The following TOX2 variants were observed in gnomAD, a reference collection of about 807,000 sequenced individuals.
TOX2 encodes granulosa cell HMG box 1.
Under a neutral mutation model 47.4 loss-of-function variants are expected in TOX2, and 15 were observed. The ratio of observed to expected loss-of-function variants is 0.32; its 90% confidence interval spans 0.21 to 0.49. The LOEUF (loss-of-function observed/expected upper bound fraction) is 0.49. Ranked by LOEUF, TOX2 falls within the 20% of genes least tolerant of loss-of-function variation. The pLI, the probability that TOX2 is intolerant of heterozygous loss-of-function variation, is 0.99. For missense variants in TOX2, 622 were observed against 673.1 expected (o/e 0.92, Z 0.84); for synonymous variants, 290 against 296.6 (o/e 0.98, Z 0.23).
intron 1 of TOX2, among the ~76,000 whole-genome samples, chr20:43,933,839 A>T (rs1468226824): frequency 2.0e-5 from 3 of 152,118 alleles, no homozygotes; most frequent in Non-Finnish European, 4.4e-5. Flanking sequence ...GTGGGTGCAC[A>T]GCCTGAAAGA....
At chr20:44,066,668 C>T in intron 7 of TOX2, 62 bp from the exon 8 acceptor site, 4 of 1,612,370 alleles carry the variant, frequency 2.5e-6, no homozygotes, top group Non-Finnish European at 3.4e-6. Flanking sequence ...CCCCGGGAGG[C>T]CTGGGACAGT....
At chr20:43,994,487 T>C (rs1268337439) in intron 2 of TOX2, among the ~76,000 whole-genome samples, 2 of 149,834 alleles carry the variant, frequency 1.3e-5, no homozygotes, top group African/African-American at 2.4e-5. Context: ...CTACCACTTA[T>C]TGGAAAACTG....
In TOX2 at chr20:44,066,764, C is replaced by T. The variant is rs149010935; in HGVS notation, c.1391C>T (p.Ser464Leu). 2.3e-5 allele frequency: 37 copies of T among 1,614,170 alleles called. No individual in the cohort carries two copies. The East Asian group carries it at 3.6e-4, about 16-fold the overall frequency. Reference protein sequence around the residue: ...FPHISEFPSSSGSCSPGPSNP... With the variant: ...FPHISEFPSSLGSCSPGPSNP... ...CACATCTCTGAGTTCCCCAGCAGCT[C>T]GGGATCCTGCTCACCTGGCCCATCC... The change falls in exon 8 of 9, where the codon TCG (serine) becomes TTG (leucine). Residue 464 changes from serine (S) to leucine (L), a missense_variant. By Grantham distance (145) the Ser-to-Leu change is moderately radical (BLOSUM62 -2). Transcript: ENST00000341197.
chr20:44,011,411 A>G (rs1399617417), intron 3 of TOX2, among the ~76,000 whole-genome samples: 1 of 152,186 alleles, frequency 6.6e-6, no homozygotes, highest in Non-Finnish European at 1.5e-5. Flanking sequence ...ACTGTGGTAA[A>G]TTCTCTAATA....
intron 1 of TOX2, among the ~76,000 whole-genome samples, chr20:43,926,145 G>A (rs1334948765): frequency 6.6e-6 from 1 of 152,210 alleles, no homozygotes; most frequent in African/African-American, 2.4e-5. Context: ...ATATTTTATT[G>A]TTTCATCATG....
At chr20:43,943,102 C>T (rs2069422144) in intron 1 of TOX2, among the ~76,000 whole-genome samples, 1 of 152,126 alleles carries the variant, frequency 6.6e-6, no homozygotes, top group South Asian at 2.1e-4. Context: ...GTCATCCAAC[C>T]TGCCAGGCAG....
intron 3 of TOX2, chr20:44,039,128 G>A (rs908235877): frequency 1.0e-4 from 128 of 1,259,200 alleles, no homozygotes; most frequent in African/African-American, 1.4e-4. Flanking sequence ...AGCAGATGCC[G>A]GGAGGCAACG....
At chr20:43,988,874 C>T (rs575282941) in intron 2 of TOX2, among the ~76,000 whole-genome samples, 1 of 152,314 alleles carries the variant, frequency 6.6e-6, no homozygotes, top group East Asian at 1.9e-4. Context: ...TTTGGGGACT[C>T]TGGACTAGAA....
intron 1 of TOX2, among the ~76,000 whole-genome samples, chr20:43,927,676 T>TCCC (rs2069193305): frequency 1.1e-5 from 1 of 93,380 alleles, no homozygotes. Context: ...TTCCTTCCTT[T>TCCC]CTTCCTTCCT....
At chr20:44,040,078 G>A (rs780514700) in intron 3 of TOX2, among the ~76,000 whole-genome samples, 158 of 152,212 alleles carry the variant, frequency 1.0e-3, no homozygotes, top group Non-Finnish European at 1.7e-3. Flanking sequence ...AGCTGGTAGA[G>A]TGTTCTAGAA....
chr20:43,977,571 G>C (rs1396502636), intron 2 of TOX2, among the ~76,000 whole-genome samples: 1 of 152,058 alleles, frequency 6.6e-6, no homozygotes, highest in East Asian at 1.9e-4. Flanking sequence ...CGCTCTACGG[G>C]CTTGAAGTGT....
At chr20:44,015,032 G>C (rs1299105915) in intron 3 of TOX2, among the ~76,000 whole-genome samples, 1 of 152,144 alleles carries the variant, frequency 6.6e-6, no homozygotes, top group Non-Finnish European at 1.5e-5. Context: ...ATCCATCTTA[G>C]TCGAAGCAGG....
At chr20:43,927,511 A>ACACACACAC in intron 1 of TOX2, among the ~76,000 whole-genome samples, 3 of 132,616 alleles carry the variant, frequency 2.3e-5, no homozygotes, top group African/African-American at 2.8e-5. Context: ...ACACACACAC[A>ACACACACAC]TCATGAGATA....
intron 1 of TOX2, among the ~76,000 whole-genome samples, chr20:43,937,369 G>A (rs1888982): frequency 0.16 from 25,049 of 152,048 alleles, 2,677 homozygotes; most frequent in East Asian, 0.31. Context: ...ACCTTCCCAC[G>A]GGCAGCTCCT....
chr20:43,971,480 A>G (rs2069965850), intron 1 of TOX2, among the ~76,000 whole-genome samples: 1 of 152,222 alleles, frequency 6.6e-6, no homozygotes, highest in South Asian at 2.1e-4. Context: ...GCGGCTGGGT[A>G]AACAGACATT....
At chr20:43,956,871 G>A (rs559697949) in intron 1 of TOX2, among the ~76,000 whole-genome samples, 1 of 152,062 alleles carries the variant, frequency 6.6e-6, no homozygotes, top group African/African-American at 2.4e-5. Flanking sequence ...TTAAGATATC[G>A]CCTCTTGTGT....
Position 44,032,226 on chromosome 20 carries a change from T to C in TOX2, c.412-19080T>C, listed in dbSNP as rs930844619. ...TGCTGGGTGGGGGAAGAACATTCCA[T>C]GCAGAGGCAGTAGCTCACCTCCCAT... On this transcript the variant is annotated intron_variant, in intron 3 of 8. Coordinates refer to ENST00000341197, the MANE Select transcript of TOX2 (RefSeq NM_001098797.2). Among the ~76,000 whole-genome samples the C allele has an allele frequency of 8.5e-5, 13 of 152,264 alleles. No individual in the cohort carries two copies. In the East Asian group the frequency reaches 2.5e-3, roughly 29 times the overall value.
chr20:43,929,491 G>C (rs921939040), intron 1 of TOX2, among the ~76,000 whole-genome samples: 4 of 148,868 alleles, frequency 2.7e-5, no homozygotes, highest in Admixed American at 6.9e-5. Context: ...CTATTTCTCA[G>C]ATCCCCCCAC....
chr20:43,953,205 A>G (rs1370040575), intron 1 of TOX2, among the ~76,000 whole-genome samples: 1 of 146,938 alleles, frequency 6.8e-6, no homozygotes, highest in Non-Finnish European at 1.5e-5. Context: ...CTGATTTTAG[A>G]CTTCGGGCTT....
Sources: allele counts gnomAD v4.1 joint callset (sites outside exome capture counted in the v4.1 genomes callset), GRCh38; gene constraint gnomAD v4.1.1; transcripts MANE v1.5; gene names NCBI Gene and HGNC (gene_info 2026-07-23, HGNC 2026-07-21).